The following SHANK2 variants were observed in gnomAD, a reference collection of about 807,000 sequenced individuals.
SHANK2 encodes SH3 and multiple ankyrin repeat domains 2.
SHANK2 carries 43 observed loss-of-function variants against 133.7 expected under a neutral mutation model. That is an observed-to-expected ratio of 0.32 (90% CI 0.25 to 0.41). SHANK2 has a LOEUF of 0.41. Among genes scored for constraint, SHANK2 ranks in the 10% least tolerant of loss-of-function variants. The pLI is 1.00. For missense variants in SHANK2, 1,994 were observed against 2,235.8 expected (o/e 0.89, Z 2.18); for synonymous variants, 1,017 against 952.8 (o/e 1.07, Z -1.24).
At chr11:70,596,900 G>A (rs1295705958) in intron 17 of SHANK2, among the ~76,000 whole-genome samples, 3 of 152,134 alleles carry the variant, frequency 2.0e-5, no homozygotes, top group East Asian at 1.9e-4. Context: ...TGGAGGCAAG[G>A]GGCCTTTCCC....
chr11:70,508,530 C>T (rs2059161866), intron 17 of SHANK2, among the ~76,000 whole-genome samples: 1 of 152,172 alleles, frequency 6.6e-6, no homozygotes. Flanking sequence ...CCTTACTTTG[C>T]AGATACAGTC....
intron 12 of SHANK2, among the ~76,000 whole-genome samples, chr11:70,808,906 A>C (rs1262973925): frequency 6.6e-6 from 1 of 152,170 alleles, no homozygotes; most frequent in Non-Finnish European, 1.5e-5. Context: ...CTCCCAGTGC[A>C]GTTCCCAGCG....
At chr11:70,944,000 A>C (rs1950684116) in intron 10 of SHANK2, 3 of 455,862 alleles carry the variant, frequency 6.6e-6, no homozygotes, top group Non-Finnish European at 1.3e-5. Flanking sequence ...AGCCCAAGAC[A>C]GCCACAGGCC....
chr11:70,472,777 G>T lies in SHANK2; in HGVS notation c.*92C>A. On this transcript the variant is annotated 3_prime_UTR_variant, in exon 26 of 26. Coordinates refer to ENST00000601538, the MANE Select transcript of SHANK2 (RefSeq NM_012309.5). This position sits in a 1 kb window ranked among gnomAD's most constrained non-coding sequence, Gnocchi z 4.4. ...GACAAACCCATGGAGTGGGGTTGATGCTCACAGACTTCGCTTGGCATTCAG... is the reference window on the plus strand; with the variant it reads ...GACAAACCCATGGAGTGGGGTTGATTCTCACAGACTTCGCTTGGCATTCAG... The T allele has an allele frequency of 1.6e-6, 2 of 1,259,282 alleles. No homozygotes were observed. Among genetic ancestry groups the T allele is most frequent in the Non-Finnish European group, 2.3e-6 (2 of 857,654 alleles). The allele number at this position is 1,259,282 out of a possible 1,614,324, so 78.0% of individuals were successfully genotyped here.
intron 3 of SHANK2, among the ~76,000 whole-genome samples, chr11:71,141,019 A>T (rs567605272): frequency 1.3e-5 from 2 of 152,320 alleles, no homozygotes; most frequent in Non-Finnish European, 2.9e-5. Flanking sequence ...CTGGCTCTGA[A>T]GTCTGACCCT....
chr11:71,157,613 C>A (rs1180123425), intron 2 of SHANK2, among the ~76,000 whole-genome samples: 1 of 152,150 alleles, frequency 6.6e-6, no homozygotes, highest in East Asian at 1.9e-4. Context: ...CTAATTGGGC[C>A]TCAGTGGGTT....
In SHANK2 at chr11:70,486,797, G is replaced by T. The variant is rs1555153900; in HGVS notation, c.3496C>A (p.Pro1166Thr). The stretch of plus-strand genomic sequence containing the variant: ...TTCAGCGGCCTCCCAGCCTCACCCG[G>T]AGCACTGGCCTCGGCGCCACCCACG... The part of the protein sequence containing the change: ...HFVGGAEASA[P>T]GEAGRPLNST... The change falls in exon 25 of 26, where the codon CCG becomes ACG. Residue 1166 changes from proline to threonine, a missense_variant. Coordinates refer to ENST00000601538, the MANE Select transcript of SHANK2 (RefSeq NM_012309.5). The surrounding 1 kb of genome is among the most constrained non-coding windows in gnomAD (Gnocchi z 8.0). 1.9e-6 allele frequency: 3 copies of T among 1,612,120 alleles called. No individual in the cohort carries two copies. The highest frequency in any genetic ancestry group is 1.7e-5 in the Admixed American group (1 of 60,008).
At chr11:70,631,611 G>C (rs532253362) in intron 17 of SHANK2, among the ~76,000 whole-genome samples, 34 of 152,338 alleles carry the variant, frequency 2.2e-4, no homozygotes, top group African/African-American at 8.2e-4. Flanking sequence ...CCCAGAGGGC[G>C]CTGGGAATAG....
intron 17 of SHANK2, among the ~76,000 whole-genome samples, chr11:70,584,675 C>A (rs1554986289): frequency 6.6e-6 from 1 of 152,192 alleles, no homozygotes; most frequent in Non-Finnish European, 1.5e-5. Flanking sequence ...CACATTTCCC[C>A]CCTCTCCCTC....
intron 8 of SHANK2, among the ~76,000 whole-genome samples, chr11:71,082,641 GGGAGGATCAGGGGCCT>G (rs1590891372): frequency 6.6e-6 from 1 of 152,196 alleles, no homozygotes; most frequent in East Asian, 1.9e-4. Context: ...CCACAGGCCT[GGGAGGATCAGGGGCCT>G]GTCCCCTCGC....
At chr11:70,680,184 G>A (rs547224524) in intron 15 of SHANK2, among the ~76,000 whole-genome samples, 9 of 152,250 alleles carry the variant, frequency 5.9e-5, no homozygotes, top group Middle Eastern at 3.4e-3. Context: ...AGCTAATGTC[G>A]GCCAAAACAG....
At chr11:71,245,891 C>T (rs2919720) in intron 1 of SHANK2, among the ~76,000 whole-genome samples, 15,041 of 152,252 alleles carry the variant, frequency 0.099, 2,104 homozygotes, top group African/African-American at 0.31. Context: ...GACAGGAGCC[C>T]GGCTGGCCCA....
intron 25 of SHANK2, among the ~76,000 whole-genome samples, chr11:70,482,912 G>T (rs2058755186): frequency 6.6e-6 from 1 of 152,204 alleles, no homozygotes; most frequent in South Asian, 2.1e-4. Flanking sequence ...CTCCCCTGTG[G>T]GCACCCCAGG....
intron 3 of SHANK2, among the ~76,000 whole-genome samples, chr11:71,142,559 A>T (rs1466256352): frequency 2.0e-5 from 3 of 152,168 alleles, no homozygotes; most frequent in Non-Finnish European, 4.4e-5. Context: ...ATGCCAAGCA[A>T]TTAAAGCAAT....
At chr11:70,769,066 T>A (rs1467055664) in intron 14 of SHANK2, among the ~76,000 whole-genome samples, 2 of 152,158 alleles carry the variant, frequency 1.3e-5, no homozygotes, top group Non-Finnish European at 2.9e-5. Context: ...CCAGGTGTAA[T>A]TCGCTGAGAG....
At chr11:70,802,792 G>A (rs1307793266) in intron 13 of SHANK2, among the ~76,000 whole-genome samples, 4 of 152,170 alleles carry the variant, frequency 2.6e-5, no homozygotes, top group African/African-American at 9.7e-5. Flanking sequence ...CCACCCCCCA[G>A]CATTGGCAAT....
At chr11:71,136,148 G>A (rs1270035920) in intron 3 of SHANK2, among the ~76,000 whole-genome samples, 1 of 152,140 alleles carries the variant, frequency 6.6e-6, no homozygotes, top group Non-Finnish European at 1.5e-5. Flanking sequence ...ACAAGATGTG[G>A]TCCCTCCATG....
intron 14 of SHANK2, among the ~76,000 whole-genome samples, chr11:70,751,821 G>A (rs1456421356): frequency 1.3e-5 from 2 of 151,904 alleles, no homozygotes; most frequent in Admixed American, 1.3e-4. Flanking sequence ...AGCTACATAT[G>A]TGTATTGAAA....
At chr11:70,744,355 T>C (rs1946595098) in intron 14 of SHANK2, among the ~76,000 whole-genome samples, 1 of 152,148 alleles carries the variant, frequency 6.6e-6, no homozygotes, top group Admixed American at 6.5e-5. Flanking sequence ...CTGAGACCCA[T>C]GTGGGGAACC....
Sources: gnomAD v4.1 joint callset for allele counts (sites outside exome capture counted in the v4.1 genomes callset) on GRCh38, gnomAD v4.1.1 for gene constraint, Gnocchi (gnomAD v3.1) non-coding constraint, MANE v1.5 for transcripts, NCBI Gene and HGNC (gene_info 2026-07-23, HGNC 2026-07-21) for gene names.